The following CSMD1 variants were observed in gnomAD, a reference collection of about 807,000 sequenced individuals.
The protein encoded by CSMD1 is CUB and Sushi multiple domains 1, also known as CUB and sushi domain-containing protein 1.
Under a neutral mutation model 417.5 loss-of-function variants are expected in CSMD1, and 213 were observed. The observed-to-expected ratio is 0.51, with a 90% CI of 0.46 to 0.57. CSMD1 has a LOEUF of 0.57. Ranked by LOEUF, CSMD1 falls within the 20% of genes least tolerant of loss-of-function variation. The pLI, the probability that CSMD1 is intolerant of heterozygous loss-of-function variation, is 0.00. For missense variants in CSMD1, 6,923 were observed against 4,529.7 expected (o/e 1.53, Z -15.17); for synonymous variants, 2,862 against 1,736.8 (o/e 1.65, Z -16.11).
chr8:4,092,431 A>G (rs548947150), intron 3 of CSMD1, among the ~76,000 whole-genome samples: 189 of 152,340 alleles, frequency 1.2e-3, no homozygotes, highest in African/African-American at 4.4e-3. Context: ...ATATTATGAG[A>G]CTATATTATG....
intron 26 of CSMD1, among the ~76,000 whole-genome samples, chr8:3,270,915 T>A (rs199594406): frequency 0.7 from 105,362 of 151,386 alleles, 36,751 homozygotes; most frequent in Admixed American, 0.74. Context: ...TTTTTTCTTT[T>A]TTTTTTTAAT....
chr8:4,210,889 A>C (rs557588999), intron 3 of CSMD1, among the ~76,000 whole-genome samples: 1 of 152,188 alleles, frequency 6.6e-6, no homozygotes, highest in South Asian at 2.1e-4. Context: ...CCCTCAGACC[A>C]TATTTTCTAT....
At chr8:4,942,305 T>G (rs1808057838) in intron 1 of CSMD1, among the ~76,000 whole-genome samples, 1 of 152,088 alleles carries the variant, frequency 6.6e-6, no homozygotes, top group Non-Finnish European at 1.5e-5. Flanking sequence ...AATTCCTCTG[T>G]GAATTCTTGC....
At chr8:4,101,721 G>C (rs1192070650) in intron 3 of CSMD1, among the ~76,000 whole-genome samples, 1 of 152,184 alleles carries the variant, frequency 6.6e-6, no homozygotes, top group Admixed American at 6.5e-5. Flanking sequence ...ACATTCCAGA[G>C]GAGAAAAGCA....
At chr8:4,573,437 T>C (rs1180868939) in intron 2 of CSMD1, among the ~76,000 whole-genome samples, 1 of 152,080 alleles carries the variant, frequency 6.6e-6, no homozygotes, top group African/African-American at 2.4e-5. Flanking sequence ...TTTCCTGGGG[T>C]GTCACCAGTG....
At chr8:3,210,226 G>C (rs1220324269) in intron 30 of CSMD1, among the ~76,000 whole-genome samples, 1 of 152,076 alleles carries the variant, frequency 6.6e-6, no homozygotes, top group Non-Finnish European at 1.5e-5. Context: ...CTACAGGAGA[G>C]ACCATCTCTG....
chr8:4,324,778 A>T (rs1239190673), intron 3 of CSMD1, among the ~76,000 whole-genome samples: 4 of 152,198 alleles, frequency 2.6e-5, no homozygotes, highest in Non-Finnish European at 5.9e-5. Context: ...ACAAACATCG[A>T]AAGTGTGTTT....
At chr8:4,584,013 C>G (rs1258258562) in intron 2 of CSMD1, among the ~76,000 whole-genome samples, 1 of 151,904 alleles carries the variant, frequency 6.6e-6, no homozygotes, top group African/African-American at 2.4e-5. Flanking sequence ...ACGAACAACT[C>G]CAGATGCGCC....
intron 25 of CSMD1, among the ~76,000 whole-genome samples, chr8:3,286,899 A>G (rs1483303211): frequency 2.0e-5 from 3 of 152,140 alleles, no homozygotes; most frequent in Non-Finnish European, 4.4e-5. Context: ...GTCCTTGCCC[A>G]TGCCTATGTC....
At chr8:4,006,089 G>T (rs892671117) in intron 4 of CSMD1, among the ~76,000 whole-genome samples, 1 of 152,188 alleles carries the variant, frequency 6.6e-6, no homozygotes, top group Non-Finnish European at 1.5e-5. Flanking sequence ...CCCAACAGAT[G>T]CAACAGAAAG....
intron 50 of CSMD1, among the ~76,000 whole-genome samples, chr8:3,033,551 A>G (rs1311644270): frequency 2.0e-5 from 3 of 152,080 alleles, no homozygotes; most frequent in African/African-American, 7.2e-5. Flanking sequence ...TTGAACAACG[A>G]GAACACATGG....
At chr8:3,391,750 G>C (rs1260268063) in intron 17 of CSMD1, among the ~76,000 whole-genome samples, 1 of 152,172 alleles carries the variant, frequency 6.6e-6, no homozygotes, top group African/African-American at 2.4e-5. Context: ...ATATAAGTCA[G>C]CCTCGAGTAC....
intron 2 of CSMD1, among the ~76,000 whole-genome samples, chr8:4,493,917 A>AACTGACTT (rs1267272585): frequency 6.6e-6 from 1 of 152,180 alleles, no homozygotes; most frequent in East Asian, 1.9e-4. Flanking sequence ...AGACACTAAC[A>AACTGACTT]ACTGACTTGA....
At chr8:4,926,292 G>A (rs1472631702) in intron 1 of CSMD1, among the ~76,000 whole-genome samples, 1 of 151,956 alleles carries the variant, frequency 6.6e-6, no homozygotes, top group Admixed American at 6.5e-5. Flanking sequence ...ATTTTTTTTG[G>A]TTCTAACGAA....
chr8:4,378,925 G>C (rs35326813), intron 3 of CSMD1, among the ~76,000 whole-genome samples: 55,736 of 152,036 alleles, frequency 0.37, 10,716 homozygotes, highest in African/African-American at 0.48. Flanking sequence ...CCCAGCCCCT[G>C]GAATTGTGAT....
intron 3 of CSMD1, among the ~76,000 whole-genome samples, chr8:4,138,877 G>A (rs75290770): frequency 0.3 from 44,931 of 151,888 alleles, 8,064 homozygotes; most frequent in Non-Finnish European, 0.39. Flanking sequence ...TAATAGGAAG[G>A]TTAATTTATA....
intron 33 of CSMD1, among the ~76,000 whole-genome samples, chr8:3,193,560 C>T (rs1025176737): frequency 7.9e-5 from 12 of 152,016 alleles, no homozygotes; most frequent in African/African-American, 1.9e-4. Context: ...AGACGGCATC[C>T]GAGAGAAAAA....
At chr8:4,202,558 C>G (rs1312020430) in intron 3 of CSMD1, among the ~76,000 whole-genome samples, 3 of 152,176 alleles carry the variant, frequency 2.0e-5, no homozygotes, top group African/African-American at 7.2e-5. Flanking sequence ...TCAGCCTCGA[C>G]AAATTACTCC....
intron 3 of CSMD1, among the ~76,000 whole-genome samples, chr8:4,145,852 C>A (rs113560193): frequency 3.3e-5 from 5 of 151,158 alleles, no homozygotes; most frequent in African/African-American, 7.4e-5. Context: ...GCCGTTCACA[C>A]CAGCTTTGAA....
Sources: gnomAD v4.1 joint callset for allele counts (sites outside exome capture counted in the v4.1 genomes callset) on GRCh38, gnomAD v4.1.1 for gene constraint, MANE v1.5 for transcripts, NCBI Gene and HGNC (gene_info 2026-07-23, HGNC 2026-07-21) for gene names.